The following DLG5 variants were observed in gnomAD, a reference collection of about 807,000 sequenced individuals.
DLG5 encodes disks large homolog 5.
A neutral mutation model predicts 189.8 loss-of-function variants in DLG5; 48 were observed. The ratio of observed to expected loss-of-function variants is 0.25; its 90% CI spans 0.20 to 0.32. The LOEUF (loss-of-function observed/expected upper bound fraction) is 0.32, where lower values mean the gene tolerates loss of function less well. DLG5 is among the 10% of genes least tolerant of loss of function. The probability of loss-of-function intolerance (pLI) is 1.00; values close to 1 mark genes in which losing one functional copy is unlikely to be tolerated. For missense variants in DLG5, 2,160 were observed against 2,544.7 expected, an observed-to-expected ratio of 0.85 and a Z score of 3.25; for synonymous variants, 1,016 against 1,054.1, an observed-to-expected ratio of 0.96 and a Z score of 0.70.
At chr10:77,884,295 C>G (rs1845371985) in intron 1 of DLG5, among the ~76,000 whole-genome samples, 1 of 152,158 alleles carries the variant, frequency 6.6e-6, no homozygotes, top group Non-Finnish European at 1.5e-5. Flanking sequence ...TTGATTGGCC[C>G]TGTTTCTCCA....
chr10:77,813,334 C>G (rs1421878190), intron 20 of DLG5, among the ~76,000 whole-genome samples: 1 of 152,168 alleles, frequency 6.6e-6, no homozygotes, highest in Non-Finnish European at 1.5e-5. Flanking sequence ...CTAAACCACC[C>G]CACCCCGGCC....
chr10:77,845,378 G>T (rs1051889310), intron 5 of DLG5: 4 of 152,246 alleles, frequency 2.6e-5, no homozygotes, highest in Non-Finnish European at 5.9e-5. Flanking sequence ...TCAAGCGTTT[G>T]CAGCCTAGAG....
intron 2 of DLG5, among the ~76,000 whole-genome samples, chr10:77,862,776 G>A (rs1844522240): frequency 1.3e-5 from 2 of 152,144 alleles, no homozygotes; most frequent in Non-Finnish European, 2.9e-5. Context: ...ACAGGGTGTG[G>A]GGGAAGCTGG....
In DLG5 at chr10:77,812,364, C is replaced by T. The variant is rs140037833; in HGVS notation, c.4039G>A (p.Glu1347Lys). The change falls in exon 21 of 32, where the codon GAG becomes AAG. Residue 1347 changes from glutamate (E) to lysine (K), a missense_variant. Glu to Lys is a moderately conservative substitution (Grantham distance 56). Coordinates refer to ENST00000372391, the MANE Select transcript of DLG5 (RefSeq NM_004747.4). ...TTCTGCACCTTCACGTGGCGTGGCT[C>T]CTCCACATAAGGCCTAAGGAAAAGT... ...ERRKDRPYVE[E>K]PRHVKVQKGS... 3.7e-5 allele frequency: 59 copies of T among 1,612,752 alleles called. No individual in the cohort carries two copies. The highest frequency in any genetic ancestry group is 4.5e-5 in the Non-Finnish European group (53 of 1,178,924).
intron 1 of DLG5, among the ~76,000 whole-genome samples, chr10:77,925,880 G>A (rs1846671831): frequency 6.6e-6 from 1 of 152,222 alleles, no homozygotes; most frequent in Non-Finnish European, 1.5e-5. Context: ...GCCAAAGCTA[G>A]CGGACGGTGA....
rs569665933 is a variant in DLG5 at position 77,819,825 on chromosome 10, C to G, written c.3526+70G>C. 2.2e-5 allele frequency: 33 copies of G among 1,500,402 alleles called. No homozygotes were observed. The African/African-American group carries it at 3.8e-4, about 17-fold the overall frequency. The allele number at this position is 1,500,402 out of a possible 1,614,324, so 92.9% of individuals were successfully genotyped here. ...GCAGCTCTCTGAAATGCTGCCTCCC[C>G]TCTCCCTGGAGACTAGGCATCCCGA... On this transcript the variant is annotated intron_variant, in intron 16 of 31. Coordinates refer to ENST00000372391, the MANE Select transcript of DLG5 (RefSeq NM_004747.4).
At chr10:77,898,702 G>A (rs1845836924) in intron 1 of DLG5, among the ~76,000 whole-genome samples, 1 of 152,214 alleles carries the variant, frequency 6.6e-6, no homozygotes, top group African/African-American at 2.4e-5. Flanking sequence ...GAGTGCTCCT[G>A]AGGAAGTGGG....
At chr10:77,815,122 C>T (rs899701075) in intron 20 of DLG5, among the ~76,000 whole-genome samples, 2 of 152,112 alleles carry the variant, frequency 1.3e-5, no homozygotes, top group Non-Finnish European at 2.9e-5. Context: ...AAGGCCTTTT[C>T]CACAACTGAA....
chr10:77,860,014 C>T (rs1287296584), intron 2 of DLG5, among the ~76,000 whole-genome samples: 1 of 152,222 alleles, frequency 6.6e-6, no homozygotes, highest in East Asian at 1.9e-4. Context: ...ACAAGTGGAG[C>T]TTCCTTTGAA....
chr10:77,869,389 C>A (rs1844811333), intron 1 of DLG5, 192 bp from the exon 2 acceptor site: 9 of 576,234 alleles, frequency 1.6e-5, no homozygotes, highest in South Asian at 4.1e-5. Flanking sequence ...AGGCCTCCCA[C>A]CTCACTTTAT....
chr10:77,917,297 G>A (rs1438421197), intron 1 of DLG5, among the ~76,000 whole-genome samples: 3 of 151,698 alleles, frequency 2.0e-5, no homozygotes, highest in African/African-American at 4.9e-5. Flanking sequence ...AGCCGAGATC[G>A]CGCCACTGCA....
rs181260104 is a variant in DLG5 at position 77,886,041 on chromosome 10, G to C, written c.305-16844C>G. ...GAGAGCCAACAGAGAGGGGCAGTCG[G>C]TCAACAGAGCTTCTGGCCAATGGCT... On this transcript the variant is annotated intron_variant, in intron 1 of 31. Transcript: ENST00000372391. Among the ~76,000 whole-genome samples, 362 of 152,376 alleles carry C rather than the reference G, an allele frequency of 2.4e-3. 2 individuals carry two copies. The South Asian group carries it at 0.024, about 10-fold the overall frequency.
intron 10 of DLG5, 106 bp downstream of exon 10, chr10:77,830,635 G>A (rs991707225): frequency 4.0e-6 from 6 of 1,512,436 alleles, no homozygotes; most frequent in African/African-American, 1.4e-5. Context: ...AGGAAAAGGA[G>A]AACCTCCAAA....
intron 16 of DLG5, 115 bp from the exon 17 acceptor site, chr10:77,819,580 T>C (rs1420540136): frequency 7.2e-7 from 1 of 1,379,780 alleles, no homozygotes; most frequent in Non-Finnish European, 9.6e-7. Context: ...GAAAAGGACT[T>C]GGGAGATGAG....
chr10:77,795,591 C>G (rs551987249), intron 29 of DLG5, among the ~76,000 whole-genome samples: 28 of 152,278 alleles, frequency 1.8e-4, no homozygotes, highest in African/African-American at 6.0e-4. Context: ...CCAGCACTCC[C>G]CACAGACGTC....
intron 9 of DLG5, among the ~76,000 whole-genome samples, chr10:77,833,411 G>A (rs1440619442): frequency 6.6e-6 from 1 of 152,210 alleles, no homozygotes; most frequent in African/African-American, 2.4e-5. Flanking sequence ...AGATGGACCT[G>A]ACCTTGGTCT....
At chr10:77,846,079 T>C (rs1187098777) in intron 5 of DLG5, among the ~76,000 whole-genome samples, 1 of 151,872 alleles carries the variant, frequency 6.6e-6, no homozygotes, top group Non-Finnish European at 1.5e-5. Context: ...ACCTTGTCTC[T>C]ACTAAACATA....
At chr10:77,847,670 A>G (rs1223100218) in intron 5 of DLG5, among the ~76,000 whole-genome samples, 1 of 149,138 alleles carries the variant, frequency 6.7e-6, no homozygotes, top group East Asian at 1.9e-4. Flanking sequence ...GAGTGCGCAC[A>G]CACACACACA....
At chr10:77,879,832 T>TTCCCC (rs1845220663) in intron 1 of DLG5, among the ~76,000 whole-genome samples, 1 of 151,390 alleles carries the variant, frequency 6.6e-6, no homozygotes, top group African/African-American at 2.4e-5. Flanking sequence ...AGTTGGGGAA[T>TTCCCC]CATGAGTTCC....
Sources: gnomAD v4.1 joint callset for allele counts (sites outside exome capture counted in the v4.1 genomes callset) on GRCh38, gnomAD v4.1.1 for gene constraint, MANE v1.5 for transcripts, NCBI Gene and HGNC (gene_info 2026-07-23, HGNC 2026-07-21) for gene names.